The following TLN2 variants were observed in gnomAD, a reference collection of about 807,000 sequenced individuals.
TLN2 encodes talin-2.
A neutral mutation model predicts 294.7 loss-of-function variants in TLN2; 118 were observed. The observed-to-expected ratio is 0.40, with a 90% confidence interval of 0.34 to 0.47. The LOEUF is 0.47. Among genes scored for constraint, TLN2 ranks in the 20% least tolerant of loss-of-function variants. TLN2 has a pLI of 0.84. For missense variants in TLN2, 3,083 were observed against 3,282.2 expected (o/e 0.94, Z 1.48); for synonymous variants, 1,431 against 1,304.5 (o/e 1.10, Z -2.09).
At chr15:62,606,573 T>G (rs2047467258) in intron 2 of TLN2, among the ~76,000 whole-genome samples, 2 of 152,308 alleles carry the variant, frequency 1.3e-5, no homozygotes, top group African/African-American at 2.4e-5. Context: ...GAAGCTTTTA[T>G]TGTGCTAACC....
At chr15:62,620,837 C>CTTT (rs71129016) in intron 3 of TLN2, among the ~76,000 whole-genome samples, 5 of 66,376 alleles carry the variant, frequency 7.5e-5, no homozygotes, top group South Asian at 5.8e-4. Context: ...CTTTCTTTTT[C>CTTT]TTTTTTTTTT....
At chr15:62,540,220 A>C (rs1386776502) in intron 1 of TLN2, among the ~76,000 whole-genome samples, 1 of 152,090 alleles carries the variant, frequency 6.6e-6, no homozygotes. Flanking sequence ...GGGTCCTGTA[A>C]TCCCAGCTAC....
At chr15:62,511,453 A>T (rs1017947291) in intron 1 of TLN2, among the ~76,000 whole-genome samples, 5 of 152,166 alleles carry the variant, frequency 3.3e-5, no homozygotes, top group African/African-American at 1.2e-4. Flanking sequence ...ATTCTATCCC[A>T]TAGTGCATTT....
chr15:62,493,251 G>T (rs2038844317), intron 1 of TLN2, among the ~76,000 whole-genome samples: 1 of 152,176 alleles, frequency 6.6e-6, no homozygotes, highest in Non-Finnish European at 1.5e-5. Flanking sequence ...TGCTCCAGGT[G>T]CTTGTTGCGG....
At chr15:62,463,342 C>A (rs774033560) in intron 1 of TLN2, among the ~76,000 whole-genome samples, 1 of 152,044 alleles carries the variant, frequency 6.6e-6, no homozygotes, top group Non-Finnish European at 1.5e-5. Flanking sequence ...TGGTGAGAAC[C>A]GTTGTTGTTA....
At chr15:62,735,867 T>C (rs576470320) in intron 28 of TLN2, among the ~76,000 whole-genome samples, 2 of 152,176 alleles carry the variant, frequency 1.3e-5, no homozygotes, top group African/African-American at 4.8e-5. Context: ...CAACAAATAT[T>C]GGCATATTTG....
chr15:62,686,801 G>A lies in TLN2; in HGVS notation c.1113+5G>A. On this transcript the variant is annotated splice_donor_5th_base_variant and intron_variant, in intron 12 of 58. Transcript: ENST00000636159. ...TCACCCAAGAGCTTCACACTGGTAG[G>A]GACTGGCAGAGGGCAAGGAGAGCAC... 6.2e-7 allele frequency: 1 copy of A among 1,612,822 alleles called. No individual in the cohort carries two copies. The highest frequency in any genetic ancestry group is 8.5e-7 in the Non-Finnish European group (1 of 1,179,836).
At chr15:62,752,452 C>A in intron 35 of TLN2, 25 bp downstream of exon 35, 2 of 1,612,594 alleles carry the variant, frequency 1.2e-6, no homozygotes, top group South Asian at 1.1e-5. Flanking sequence ...CCGATGCAGC[C>A]ATGTGCCCTG....
chr15:62,571,587 C>T (rs1359420956), intron 1 of TLN2, among the ~76,000 whole-genome samples: 1 of 152,094 alleles, frequency 6.6e-6, no homozygotes, highest in Non-Finnish European at 1.5e-5. Context: ...CATGTGTTGC[C>T]TCCTGTTTGT....
intron 12 of TLN2, among the ~76,000 whole-genome samples, chr15:62,689,788 C>CTG (rs2141053271): frequency 1.2e-5 from 1 of 86,428 alleles, no homozygotes; most frequent in South Asian, 4.4e-4. Flanking sequence ...TGTCATTTTT[C>CTG]TGTGGCTGTT....
rs1218706154 is a variant in TLN2 at position 62,414,187 on chromosome 15, T to TAA, written c.-238+23503_-238+23504insAA. 5.6e-5 allele frequency among the ~76,000 whole-genome samples: 7 copies of TAA among 126,056 alleles called. 1 individual carries two copies. Among genetic ancestry groups the TAA allele is most frequent in the African/African-American group, 1.9e-4 (7 of 36,400 alleles). The allele number at this position is 126,056 out of a possible 152,430, so 82.7% of individuals were successfully genotyped here. The stretch of plus-strand genomic sequence containing the variant: ...AACTATATATATATATATATATATA[T>TAA]ATATAATTTGAGAAATTAAATCCTT... On this transcript the variant is annotated intron_variant, in intron 1 of 58. Transcript: ENST00000636159.
Position 62,655,585 on chromosome 15 carries a change from G to GTGCTTTAGCTATAA in TLN2, c.518-359_518-358insTGCTTTAGCTATAA, listed in dbSNP as rs1372938000. 6.5e-4 allele frequency among the ~76,000 whole-genome samples: 9 copies of GTGCTTTAGCTATAA among 13,884 alleles called. 4 individuals are homozygous for GTGCTTTAGCTATAA. Among genetic ancestry groups the GTGCTTTAGCTATAA allele is most frequent in the South Asian group, 0.011 (1 of 88 alleles). 9.1% of individuals were successfully genotyped at this position (13,884 alleles called of 152,430 possible). Reference sequence around the variant, plus strand: ...GGCAGCATATTATACATTCATTGTAGCACATGTCACCGTGGGTTGGCTGGC... The same window carrying GTGCTTTAGCTATAA: ...GGCAGCATATTATACATTCATTGTAGTGCTTTAGCTATAACACATGTCACCGTGGGTTGGCTGGC... On this transcript the variant is annotated intron_variant, in intron 7 of 58. Coordinates refer to ENST00000636159, the MANE Select transcript of TLN2 (RefSeq NM_015059.3).
At chr15:62,816,333 C>T (rs2067114733) in intron 52 of TLN2, among the ~76,000 whole-genome samples, 3 of 152,380 alleles carry the variant, frequency 2.0e-5, no homozygotes, top group Middle Eastern at 3.4e-3. Context: ...GCCTCTGCAA[C>T]TATCACAGTT....
chr15:62,728,887 G>GGTTA (rs1414886536), intron 28 of TLN2, among the ~76,000 whole-genome samples: 1 of 151,862 alleles, frequency 6.6e-6, no homozygotes, highest in African/African-American at 2.4e-5. Flanking sequence ...TTTTCTTTAT[G>GGTTA]GTTAGTACTT....
At chr15:62,659,740 G>A (rs1286557208) in intron 9 of TLN2, among the ~76,000 whole-genome samples, 1 of 152,194 alleles carries the variant, frequency 6.6e-6, no homozygotes, top group African/African-American at 2.4e-5. Context: ...GGTTTTGCCT[G>A]GTGGCAATTG....
chr15:62,760,502 T>A (rs2062595044), intron 37 of TLN2, among the ~76,000 whole-genome samples: 1 of 152,216 alleles, frequency 6.6e-6, no homozygotes, highest in South Asian at 2.1e-4. Context: ...GTTAAAAGTT[T>A]AAGTGGTCAT....
intron 2 of TLN2, among the ~76,000 whole-genome samples, chr15:62,598,742 C>T (rs1431603731): frequency 6.6e-6 from 1 of 151,164 alleles, no homozygotes; most frequent in Non-Finnish European, 1.5e-5. Context: ...ATGGAATTTT[C>T]TCTCAGGAAT....
At chr15:62,803,468 T>G (rs2141152956) in intron 50 of TLN2, among the ~76,000 whole-genome samples, 2 of 152,324 alleles carry the variant, frequency 1.3e-5, no homozygotes, top group African/African-American at 4.8e-5. Context: ...TGAAGCTATT[T>G]TCTAGATCCT....
chr15:62,787,693 C>CTTTTTT (rs71672889), intron 45 of TLN2, among the ~76,000 whole-genome samples: 39 of 65,576 alleles, frequency 5.9e-4, no homozygotes, highest in African/African-American at 9.6e-4. Context: ...AACTCCTTAT[C>CTTTTTT]TTTTTTTTTT....
Sources: allele counts gnomAD v4.1 joint callset (sites outside exome capture counted in the v4.1 genomes callset), GRCh38; gene constraint gnomAD v4.1.1; transcripts MANE v1.5; gene names NCBI Gene and HGNC (gene_info 2026-07-23, HGNC 2026-07-21).